SPTBN1: variants seen among roughly 807,000 people sequenced by gnomAD.
SPTBN1 encodes the protein spectrin beta chain, non-erythrocytic 1.
SPTBN1 carries 32 observed loss-of-function variants against 266.4 expected under a neutral mutation model. The observed-to-expected ratio is 0.12, with a 90% CI of 0.09 to 0.16. The LOEUF (loss-of-function observed/expected upper bound fraction) is 0.16. Among genes scored for constraint, SPTBN1 ranks in the 10% least tolerant of loss-of-function variants. The pLI, the probability that SPTBN1 is intolerant of heterozygous loss-of-function variation, is 1.00. For missense variants in SPTBN1, 2,296 were observed against 3,067.1 expected (o/e 0.75, Z 5.94); for synonymous variants, 1,336 against 1,162.2 (o/e 1.15, Z -3.04).
intron 1 of SPTBN1, among the ~76,000 whole-genome samples, chr2:54,480,348 G>A (rs538266125): frequency 1.6e-4 from 24 of 152,202 alleles, no homozygotes; most frequent in Non-Finnish European, 2.9e-4. Context: ...AGGGTTGCCA[G>A]ATTTAGGAAA....
At chr2:54,612,687 G>A (rs1418831238) in intron 4 of SPTBN1, among the ~76,000 whole-genome samples, 1 of 152,162 alleles carries the variant, frequency 6.6e-6, no homozygotes, top group East Asian at 1.9e-4. Flanking sequence ...GTATAAGGAC[G>A]TGGCCAATGC....
chr2:54,514,219 TTA>T (rs1429376704), intron 1 of SPTBN1, among the ~76,000 whole-genome samples: 1 of 152,196 alleles, frequency 6.6e-6, no homozygotes, highest in Non-Finnish European at 1.5e-5. Context: ...GTATTCATGG[TTA>T]TACTGTATAA....
At chr2:54,625,092 C>T (rs1201839015) in intron 11 of SPTBN1, 130 bp downstream of exon 11, 51 of 1,067,578 alleles carry the variant, frequency 4.8e-5, no homozygotes, top group Non-Finnish European at 6.3e-5. Flanking sequence ...GTCAGGTCAC[C>T]TTGGCCCCTT....
Position 54,653,745 on chromosome 2 carries a change from T to A in SPTBN1, c.5714T>A (p.Val1905Glu). Reference sequence around the variant, plus strand: ...CTGGACGCCTGTGAGAGCCGCAGGGTGCGGCTGGTGGACACAGGGGACAAG... The same window carrying A: ...CTGGACGCCTGTGAGAGCCGCAGGGAGCGGCTGGTGGACACAGGGGACAAG... ...SLLDACESRR[V>E]RLVDTGDKFR... The change falls in exon 27 of 36, where the codon GTG becomes GAG. Residue 1905 changes from valine to glutamate, a missense_variant. Val to Glu is a moderately radical substitution (Grantham distance 121, BLOSUM62 -2). Around this residue, in one of 12 missense-constraint regions of SPTBN1, gnomAD observed 644 missense variants for 745.3 expected, o/e 0.86. Coordinates refer to ENST00000356805, the MANE Select transcript of SPTBN1 (RefSeq NM_003128.3). This position sits in a 1 kb window ranked among gnomAD's most constrained non-coding sequence, Gnocchi z 5.1. 1 of 1,614,116 alleles carries A rather than the reference T, an allele frequency of 6.2e-7. No individual in the cohort carries two copies. Among genetic ancestry groups the A allele is most frequent in the Non-Finnish European group, 8.5e-7 (1 of 1,180,022 alleles).
At chr2:54,616,378 A>ACTG in intron 5 of SPTBN1, 80 bp downstream of exon 5, 1 of 1,269,528 alleles carries the variant, frequency 7.9e-7, no homozygotes, top group Non-Finnish European at 1.1e-6. Context: ...GAAGGTGTTG[A>ACTG]CAGGTATCTT....
chr2:54,655,153 C>G lies in SPTBN1; in HGVS notation c.5906C>G (p.Thr1969Ser). ...EIDARNDSFT[T>S]CIELGKSLLA... is the part of the protein sequence containing the mutation. ...GATGCACGTAATGACAGTTTCACAA[C>G]CTGCATTGAACTTGGGAAATCCCTG... Residue 1969 changes from threonine to serine, a missense_variant, in exon 28 of 36, where the codon ACC (threonine) becomes AGC (serine). Physicochemically the swap from Thr to Ser is moderately conservative, Grantham distance 58. Transcript: ENST00000356805. 6 of 1,614,176 alleles carry G rather than the reference C, an allele frequency of 3.7e-6. No individual in the cohort carries two copies. The highest frequency in any genetic ancestry group is 5.1e-6 in the Non-Finnish European group (6 of 1,180,020).
intron 32 of SPTBN1, 133 bp downstream of exon 32, chr2:54,660,132 G>A (rs771401335): frequency 8.3e-6 from 13 of 1,570,482 alleles, no homozygotes; most frequent in Non-Finnish European, 1.1e-5. Context: ...AATCCTCTGG[G>A]TTTTGACTTT....
At chr2:54,499,708 T>C (rs1236870451) in intron 1 of SPTBN1, among the ~76,000 whole-genome samples, 2 of 152,228 alleles carry the variant, frequency 1.3e-5, no homozygotes, top group African/African-American at 4.8e-5. Flanking sequence ...ATGGAAGGCA[T>C]TTTCTGGTAG....
Position 54,653,270 on chromosome 2 carries a change from G to T in SPTBN1, c.5578-339G>T, listed in dbSNP as rs1680421132. ...TCTTTACCCCGAGATAGCAGATTAG[G>T]TATTTATTTTTTGGACTGTATCTGA... is the stretch of plus-strand genomic sequence containing the variant. On this transcript the variant is annotated intron_variant, in intron 26 of 35. Transcript: ENST00000356805. This position sits in a 1 kb window ranked among gnomAD's most constrained non-coding sequence, Gnocchi z 5.1. The T allele has an allele frequency of 9.8e-6, 2 of 203,788 alleles. No homozygotes were observed. Among genetic ancestry groups the T allele is most frequent in the Non-Finnish European group, 1.9e-5 (2 of 102,706 alleles). The allele number at this position is 203,788 out of a possible 1,614,324, so 12.6% of individuals were successfully genotyped here. A position where few individuals can be genotyped will look rare whatever the true frequency, so the allele number is the denominator to read the frequency against.
chr2:54,474,948 A>G (rs2103889953), intron 1 of SPTBN1, among the ~76,000 whole-genome samples: 1 of 152,264 alleles, frequency 6.6e-6, no homozygotes, highest in African/African-American at 2.4e-5. Flanking sequence ...TGAGGCGGGT[A>G]GATTGCCTTC....
At chr2:54,578,749 G>GGTGTGTGTGTGT (rs34536803) in intron 2 of SPTBN1, among the ~76,000 whole-genome samples, 4 of 147,532 alleles carry the variant, frequency 2.7e-5, no homozygotes, top group African/African-American at 1.0e-4. Flanking sequence ...CTTCTGATGG[G>GGTGTGTGTGTGT]GTGTGTGTGT....
At chr2:54,512,605 A>G (rs1251560106) in intron 1 of SPTBN1, among the ~76,000 whole-genome samples, 1 of 152,222 alleles carries the variant, frequency 6.6e-6, no homozygotes, top group Non-Finnish European at 1.5e-5. Context: ...GATTACTGCA[A>G]TCCTATCCAA....
intron 9 of SPTBN1, 96 bp downstream of exon 9, chr2:54,622,583 A>C: frequency 1.4e-6 from 2 of 1,403,662 alleles, no homozygotes; most frequent in Non-Finnish European, 2.0e-6. Flanking sequence ...CTCATCTCTT[A>C]ACTGAATGCC....
At position 54,664,756 on chromosome 2, in the gene SPTBN1, A is replaced by C; in HGVS notation, c.6659+65A>C. The C allele has an allele frequency of 6.7e-7, 1 of 1,503,410 alleles. No individual in the cohort carries two copies. The highest frequency in any genetic ancestry group is 9.1e-7 in the Non-Finnish European group (1 of 1,094,266). 93.1% of individuals were successfully genotyped at this position (1,503,410 alleles called of 1,614,324 possible). A position where few individuals can be genotyped will look rare whatever the true frequency, so the allele number is the denominator to read the frequency against. ...AGCCTGTGAAGGGATAAGGCGGGCC[A>C]CTCTTGAATTGGAAGAGAAGTATGT... On this transcript the variant is annotated intron_variant, in intron 33 of 35. Transcript: ENST00000356805. This position sits in a 1 kb window ranked among gnomAD's most constrained non-coding sequence, Gnocchi z 5.6.
intron 27 of SPTBN1, among the ~76,000 whole-genome samples, chr2:54,654,545 G>C (rs1054192994): frequency 3.3e-5 from 5 of 152,162 alleles, no homozygotes; most frequent in African/African-American, 1.2e-4. Context: ...TCCTGGATCA[G>C]GATCAGTAGG....
chr2:54,595,184 C>T (rs766271300), intron 2 of SPTBN1, among the ~76,000 whole-genome samples: 2 of 152,110 alleles, frequency 1.3e-5, no homozygotes, highest in Non-Finnish European at 2.9e-5. Flanking sequence ...GGAGAAAAGA[C>T]GGAACTAATT....
chr2:54,472,090 C>A (rs1487489003), intron 1 of SPTBN1, among the ~76,000 whole-genome samples: 2 of 127,502 alleles, frequency 1.6e-5, no homozygotes, highest in African/African-American at 6.2e-5. Flanking sequence ...TGCAGTGGCG[C>A]GATCTTGGCT....
At chr2:54,544,933 C>T (rs1335729310) in intron 2 of SPTBN1, among the ~76,000 whole-genome samples, 1 of 152,178 alleles carries the variant, frequency 6.6e-6, no homozygotes, top group South Asian at 2.1e-4. Context: ...ACCAGCCCCC[C>T]ACTCCCCAGT....
chr2:54,496,919 A>T (rs1444460625), intron 1 of SPTBN1, among the ~76,000 whole-genome samples: 1 of 152,256 alleles, frequency 6.6e-6, no homozygotes, highest in Non-Finnish European at 1.5e-5. Context: ...AGAATAGTGA[A>T]CAACTATGTG....
Sources: allele counts gnomAD v4.1 joint callset (sites outside exome capture counted in the v4.1 genomes callset), GRCh38; gene constraint gnomAD v4.1.1; regional missense constraint gnomAD v4.1.1; non-coding constraint Gnocchi (gnomAD v3.1); transcripts MANE v1.5; gene names NCBI Gene and HGNC (gene_info 2026-07-23, HGNC 2026-07-21).